Variants in THOC1 observed in about 807,000 individuals in gnomAD.
The protein encoded by THOC1 is THO complex subunit 1.
In THOC1, 29 loss-of-function variants were observed where a neutral mutation model predicts 97.3. The ratio of observed to expected loss-of-function variants is 0.30; its 90% CI spans 0.22 to 0.41. The LOEUF (loss-of-function observed/expected upper bound fraction) is 0.41. Ranked by LOEUF, THOC1 falls within the 10% of genes least tolerant of loss-of-function variation. The probability of loss-of-function intolerance (pLI) is 1.00; values close to 1 mark genes in which losing one functional copy is unlikely to be tolerated. For synonymous variants in THOC1, 255 were observed against 257.0 expected (o/e 0.99, Z 0.07); for missense variants, 529 against 761.9 (o/e 0.69, Z 3.60).
intron 9 of THOC1, among the ~76,000 whole-genome samples, chr18:249,532 C>G (rs778105219): frequency 7.9e-5 from 12 of 151,922 alleles, no homozygotes; most frequent in Admixed American, 7.2e-4. Flanking sequence ...CATTGTGGTG[C>G]GTGCTTGTAG....
At chr18:253,971 C>A (rs1413290368) in intron 8 of THOC1, among the ~76,000 whole-genome samples, 2 of 147,552 alleles carry the variant, frequency 1.4e-5, no homozygotes, top group African/African-American at 5.0e-5. Context: ...AGTACAGTGG[C>A]ATGATCAAGG....
At chr18:251,259 CACT>C (rs1423034192) in intron 9 of THOC1, among the ~76,000 whole-genome samples, 1 of 152,202 alleles carries the variant, frequency 6.6e-6, no homozygotes, top group Non-Finnish European at 1.5e-5. Context: ...CTTGGAGCCA[CACT>C]ACCTCTAATG....
At position 223,974 on chromosome 18, in the gene THOC1, G is replaced by A. The variant is rs147508454; in HGVS notation, c.1304+110C>T. The A allele has an allele frequency of 1.0e-3, 824 of 812,122 alleles. 2 individuals are homozygous for A. The African/African-American group carries it at 0.012, about 12-fold the overall frequency. 50.3% of individuals were successfully genotyped at this position (812,122 alleles called of 1,614,324 possible). A position where few individuals can be genotyped will look rare whatever the true frequency, so the allele number is the denominator to read the frequency against. The stretch of plus-strand genomic sequence containing the variant: ...TGCGGTTTGCTTTGGCTATCTATGT[G>A]TGTACCAAACACAATCTCATACTAT... On this transcript the variant is annotated intron_variant, in intron 16 of 20. Transcript: ENST00000261600.
In THOC1 at chr18:268,014, AG is replaced by A; in HGVS notation, c.5del (p.Ser2PhefsTer24). 1 of 1,604,112 alleles carries A rather than the reference AG, an allele frequency of 6.2e-7. No homozygotes were observed. The highest frequency in any genetic ancestry group is 8.5e-7 in the Non-Finnish European group (1 of 1,175,468). Reference protein sequence around the residue: MSPTPPLFSLPE... With the variant: MXPTPPLFSLPE... ...GCAAACTGAAGAGCGGCGGCGTCGG[AG>A]ACATCTTCTCGGCTGCGCGTGCCCG... On this transcript the variant is annotated frameshift_variant, in exon 1 of 21. Coordinates refer to ENST00000261600, the MANE Select transcript of THOC1 (RefSeq NM_005131.3). LOFTEE classifies it high-confidence loss of function.
chr18:247,401 A>G (rs1598301438), intron 10 of THOC1, among the ~76,000 whole-genome samples: 1 of 152,188 alleles, frequency 6.6e-6, no homozygotes, highest in African/African-American at 2.4e-5. Context: ...CTCAGTTGCA[A>G]CTACTCAGCT....
intron 1 of THOC1, among the ~76,000 whole-genome samples, chr18:266,854 T>C (rs933232692): frequency 1.3e-5 from 2 of 152,102 alleles, no homozygotes; most frequent in Admixed American, 6.5e-5. Flanking sequence ...TGATCTTGGA[T>C]AGTCCTAACA....
At chr18:255,271 T>A (rs999917862) in intron 7 of THOC1, among the ~76,000 whole-genome samples, 3 of 152,230 alleles carry the variant, frequency 2.0e-5, no homozygotes, top group African/African-American at 7.2e-5. Flanking sequence ...AATTAAGGCA[T>A]GTCAAAAGCC....
At chr18:250,369 T>C (rs1237396528) in intron 9 of THOC1, among the ~76,000 whole-genome samples, 2 of 152,116 alleles carry the variant, frequency 1.3e-5, no homozygotes, top group Non-Finnish European at 2.9e-5. Context: ...CCTTCAACAC[T>C]CCACAGAAAC....
chr18:227,854 T>A (rs1242982678), intron 11 of THOC1, among the ~76,000 whole-genome samples: 1 of 152,120 alleles, frequency 6.6e-6, no homozygotes, highest in Non-Finnish European at 1.5e-5. Context: ...GTGGCTCTGC[T>A]TTACGTGGTT....
intron 8 of THOC1, 83 bp from the exon 9 acceptor site, chr18:252,695 C>G (rs1374140382): frequency 8.4e-7 from 1 of 1,183,728 alleles, no homozygotes; most frequent in Non-Finnish European, 1.2e-6. Flanking sequence ...TGGTCAGTTA[C>G]ACATTCCTAG....
At chr18:221,282 A>T (rs1001879759) in intron 17 of THOC1, among the ~76,000 whole-genome samples, 3 of 152,108 alleles carry the variant, frequency 2.0e-5, no homozygotes, top group African/African-American at 7.2e-5. Flanking sequence ...GGTCTGTCAA[A>T]ATCCTACTAG....
chr18:244,338 C>T (rs1036372249), intron 11 of THOC1: 3 of 152,044 alleles, frequency 2.0e-5, no homozygotes, highest in African/African-American at 7.2e-5. Flanking sequence ...CTTATGGGTT[C>T]AATTTCCTTC....
intron 1 of THOC1, 26 bp downstream of exon 1, chr18:267,940 C>T (rs769771546): frequency 3.1e-6 from 5 of 1,606,630 alleles, no homozygotes; most frequent in Non-Finnish European, 4.2e-6. Context: ...CCGGGTCAGG[C>T]CTGCACCCTC....
chr18:216,576 G>A lies in THOC1; in HGVS notation c.1512C>T (p.Ser504=). The A allele has an allele frequency of 6.2e-7, 1 of 1,613,932 alleles. No homozygotes were observed. Among genetic ancestry groups the A allele is most frequent in the South Asian group, 1.1e-5 (1 of 91,074 alleles). ...WRALRLLARR[S]PHFFQPTNQQ... ...GGTTGGTTGGCTGGAAGAAGTGAGG[G>A]CTTCTCCGTGCTAATAGTCTCAGGG... The change falls in exon 19 of 21, where the codon AGC becomes AGT. Residue 504 remains serine, a synonymous_variant. Coordinates refer to ENST00000261600, the MANE Select transcript of THOC1 (RefSeq NM_005131.3).
Position 232,114 on chromosome 18 carries a change from G to C in THOC1, c.919-5213C>G, listed in dbSNP as rs184180908. Among the ~76,000 whole-genome samples the C allele has an allele frequency of 2.2e-3, 334 of 152,260 alleles. 1 individual carries two copies. Among genetic ancestry groups the C allele is most frequent in the Admixed American group, 7.9e-3 (121 of 15,294 alleles). ...TTATTATTCTTATTTATTGTTTTCT[G>C]AGATAGGATCTGACTCTGTCAGCCA... On this transcript the variant is annotated intron_variant, in intron 11 of 20. Transcript: ENST00000261600.
chr18:218,561 A>G (rs1910972615), intron 18 of THOC1, among the ~76,000 whole-genome samples: 1 of 152,224 alleles, frequency 6.6e-6, no homozygotes, highest in Admixed American at 6.5e-5. Context: ...TAAGGGGAAC[A>G]GGATAGGTTA....
At chr18:249,320 T>A (rs763205258) in intron 9 of THOC1, among the ~76,000 whole-genome samples, 4 of 152,146 alleles carry the variant, frequency 2.6e-5, no homozygotes, top group Non-Finnish European at 5.9e-5. Flanking sequence ...GCAGCTTCAC[T>A]GATTTACAAC....
At chr18:251,596 C>T (rs1395739835) in intron 9 of THOC1, among the ~76,000 whole-genome samples, 1 of 152,112 alleles carries the variant, frequency 6.6e-6, no homozygotes, top group Non-Finnish European at 1.5e-5. Context: ...GCTGGGGCCA[C>T]GGTCTATGTA....
At chr18:251,439 A>C (rs1912275967) in intron 9 of THOC1, among the ~76,000 whole-genome samples, 2 of 152,224 alleles carry the variant, frequency 1.3e-5, no homozygotes, top group South Asian at 4.1e-4. Context: ...CCAGTGAAGG[A>C]AAATTTTCCT....
Sources: allele counts gnomAD v4.1 joint callset (sites outside exome capture counted in the v4.1 genomes callset), GRCh38; gene constraint gnomAD v4.1.1; transcripts MANE v1.5; gene names NCBI Gene and HGNC (gene_info 2026-07-23, HGNC 2026-07-21).